The following SORCS1 variants were observed in gnomAD, a reference collection of about 807,000 sequenced individuals.
SORCS1 encodes sortilin related VPS10 domain containing receptor 1, also known as VPS10 domain-containing receptor SorCS1.
In SORCS1, 60 loss-of-function variants were observed where a neutral mutation model predicts 146.1. The observed-to-expected ratio is 0.41, with a 90% confidence interval of 0.33 to 0.51. The LOEUF (loss-of-function observed/expected upper bound fraction) is 0.51, where lower values mean the gene tolerates loss of function less well. Ranked by LOEUF, SORCS1 falls within the 20% of genes least tolerant of loss-of-function variation. The pLI is 0.21. For missense variants in SORCS1, 1,352 were observed against 1,487.6 expected, an observed-to-expected ratio of 0.91 and a Z score of 1.50; for synonymous variants, 637 against 584.0, an observed-to-expected ratio of 1.09 and a Z score of -1.31.
rs1366037823 is a variant in SORCS1, at chr10:106,607,112, G to A, written c.3165+54C>T. The A allele has an allele frequency of 3.8e-6, 6 of 1,594,470 alleles. No individual in the cohort carries two copies. In the African/African-American group the frequency reaches 8.1e-5, roughly 21 times the overall value. ...GTCAGAAATGGAGGCTTAGAAAGTT[G>A]AAGACTCCACAAACGGTTGAAGCTG... On this transcript the variant is annotated intron_variant, in intron 23 of 25. Coordinates refer to ENST00000263054, the MANE Select transcript of SORCS1 (RefSeq NM_052918.5).
Position 106,772,585 on chromosome 10 carries a change from T to C in SORCS1, c.885+3949A>G, listed in dbSNP as rs1013757418. 3.3e-5 allele frequency among the ~76,000 whole-genome samples: 5 copies of C among 152,096 alleles called. No individual in the cohort carries two copies. In the South Asian group the frequency reaches 6.2e-4, roughly 19 times the overall value. ...TAGATGTTGAATATCACAAATAGAT[T>C]TCTCCTTCTAAGTAAAAACAAAAAA... On this transcript the variant is annotated intron_variant, in intron 4 of 25. Transcript: ENST00000263054.
chr10:106,950,909 A>G (rs1954644274), intron 2 of SORCS1, among the ~76,000 whole-genome samples: 1 of 152,162 alleles, frequency 6.6e-6, no homozygotes. Context: ...GGTTTCCAGT[A>G]TTGTCATTAT....
At chr10:106,833,969 A>G (rs923967633) in intron 2 of SORCS1, among the ~76,000 whole-genome samples, 1 of 151,952 alleles carries the variant, frequency 6.6e-6, no homozygotes, top group South Asian at 2.1e-4. Flanking sequence ...AATGTTTTGT[A>G]TTTTTAGTAG....
intron 2 of SORCS1, among the ~76,000 whole-genome samples, chr10:106,944,833 A>G (rs1214489858): frequency 4.2e-5 from 3 of 72,200 alleles, no homozygotes; most frequent in African/African-American, 1.2e-4. Flanking sequence ...GAATGAAAGA[A>G]ACAAAGAGAG....
intron 1 of SORCS1, among the ~76,000 whole-genome samples, chr10:106,958,727 T>A (rs145637277): frequency 4.5e-4 from 68 of 152,288 alleles, no homozygotes; most frequent in Admixed American, 9.2e-4. Flanking sequence ...GGGCACCCCA[T>A]GGACACATCA....
intron 2 of SORCS1, 150 bp downstream of exon 2, chr10:106,956,363 C>A (rs372433672): frequency 1.1e-5 from 7 of 659,002 alleles, no homozygotes; most frequent in African/African-American, 7.3e-5. Context: ...TAAAGCCCAG[C>A]GCATCACTAA....
intron 6 of SORCS1, among the ~76,000 whole-genome samples, chr10:106,718,324 C>G (rs924213308): frequency 6.6e-6 from 1 of 152,146 alleles, no homozygotes; most frequent in African/African-American, 2.4e-5. Flanking sequence ...TTTCTGTGTC[C>G]GCAATTGGTT....
chr10:106,718,176 T>A, intron 6 of SORCS1, among the ~76,000 whole-genome samples: 1 of 152,160 alleles, frequency 6.6e-6, no homozygotes, highest in Middle Eastern at 3.2e-3. Flanking sequence ...GAGATGTGTT[T>A]GGGGAACACT....
chr10:106,651,258 C>T (rs1458852013), intron 18 of SORCS1, among the ~76,000 whole-genome samples: 1 of 152,160 alleles, frequency 6.6e-6, no homozygotes, highest in Non-Finnish European at 1.5e-5. Context: ...TTCATCAAAC[C>T]TGACAAAGCA....
In SORCS1 at chr10:106,632,096, T is replaced by C. The variant is rs561274543; in HGVS notation, c.2476-2708A>G. Among the ~76,000 whole-genome samples, 4 of 152,240 alleles carry C rather than the reference T, an allele frequency of 2.6e-5. No individual in the cohort carries two copies. The East Asian group carries it at 7.7e-4, about 29-fold the overall frequency. ...ATATAATTATATAACAGATCATACT[T>C]TACATGATAGAATCAGGTATTAGGT... is the stretch of plus-strand genomic sequence containing the variant. On this transcript the variant is annotated intron_variant, in intron 18 of 25. Coordinates refer to ENST00000263054, the MANE Select transcript of SORCS1 (RefSeq NM_052918.5).
chr10:107,119,946 C>T (rs1966291435), intron 1 of SORCS1, among the ~76,000 whole-genome samples: 1 of 152,098 alleles, frequency 6.6e-6, no homozygotes, highest in South Asian at 2.1e-4. Flanking sequence ...TCACAGCTAA[C>T]CACAAATCTG....
At chr10:106,580,814 T>C (rs1324364048) in intron 24 of SORCS1, among the ~76,000 whole-genome samples, 1 of 152,222 alleles carries the variant, frequency 6.6e-6, no homozygotes, top group Admixed American at 6.5e-5. Flanking sequence ...ATATTCCATC[T>C]AACCACATAG....
intron 14 of SORCS1, 74 bp from the exon 15 acceptor site, chr10:106,673,059 T>C: frequency 6.5e-6 from 8 of 1,239,722 alleles, no homozygotes; most frequent in Non-Finnish European, 9.3e-6. Flanking sequence ...AGAGCATTTG[T>C]GGGGCGTTCA....
intron 10 of SORCS1, among the ~76,000 whole-genome samples, chr10:106,684,867 G>C (rs1251767980): frequency 6.6e-6 from 1 of 152,188 alleles, no homozygotes; most frequent in Non-Finnish European, 1.5e-5. Flanking sequence ...GTAGCTCAAA[G>C]ATTTTCTTTC....
intron 1 of SORCS1, among the ~76,000 whole-genome samples, chr10:107,137,389 C>T (rs1967397520): frequency 6.6e-6 from 1 of 152,166 alleles, no homozygotes; most frequent in South Asian, 2.1e-4. Flanking sequence ...ACTCTGCATC[C>T]TCCATCCCCG....
intron 1 of SORCS1, among the ~76,000 whole-genome samples, chr10:106,979,092 G>T (rs1956151197): frequency 6.6e-6 from 1 of 152,148 alleles, no homozygotes; most frequent in African/African-American, 2.4e-5. Context: ...GCCCAGGGTG[G>T]TGGGAGTTGA....
At chr10:106,755,596 G>C (rs973188799) in intron 5 of SORCS1, among the ~76,000 whole-genome samples, 1 of 152,086 alleles carries the variant, frequency 6.6e-6, no homozygotes, top group African/African-American at 2.4e-5. Context: ...GTGTGTGTGT[G>C]TGTGTGTGTG....
chr10:106,760,879 G>C (rs371753085), intron 5 of SORCS1, among the ~76,000 whole-genome samples: 4 of 152,048 alleles, frequency 2.6e-5, no homozygotes, highest in African/African-American at 9.7e-5. Flanking sequence ...AGCTGAGGTG[G>C]GTGGACCACT....
intron 3 of SORCS1, among the ~76,000 whole-genome samples, chr10:106,816,814 G>C (rs923038764): frequency 6.6e-6 from 1 of 152,104 alleles, no homozygotes; most frequent in Non-Finnish European, 1.5e-5. Context: ...AATGGGCATC[G>C]AGCCAGAATT....
Sources: gnomAD v4.1 joint callset for allele counts (sites outside exome capture counted in the v4.1 genomes callset) on GRCh38, gnomAD v4.1.1 for gene constraint, MANE v1.5 for transcripts, NCBI Gene and HGNC (gene_info 2026-07-23, HGNC 2026-07-21) for gene names.